Variants in NCAPG2 observed in about 807,000 individuals in gnomAD.
NCAPG2 encodes the protein non-SMC condensin II complex subunit G2, also known as condensin-2 complex subunit G2.
NCAPG2 carries 53 observed loss-of-function variants against 141.1 expected under a neutral mutation model. The ratio of observed to expected loss-of-function variants is 0.38; its 90% CI spans 0.30 to 0.47. NCAPG2 has a LOEUF of 0.47. NCAPG2 is among the 20% of genes least tolerant of loss of function. The pLI, the probability that NCAPG2 is intolerant of heterozygous loss-of-function variation, is 0.99. For synonymous variants in NCAPG2, 499 were observed against 490.7 expected, an observed-to-expected ratio of 1.02 and a Z score of -0.22; for missense variants, 1,087 against 1,389.0, an observed-to-expected ratio of 0.78 and a Z score of 3.46.
At chr7:158,658,935 T>A (rs1043353902) in intron 16 of NCAPG2, among the ~76,000 whole-genome samples, 1 of 151,858 alleles carries the variant, frequency 6.6e-6, no homozygotes, top group Non-Finnish European at 1.5e-5. Context: ...CCCAACGCTT[T>A]GTGAGCCTGA....
intron 1 of NCAPG2, 50 bp from the exon 2 acceptor site, chr7:158,701,988 T>A (rs763730990): frequency 2.5e-5 from 29 of 1,166,776 alleles, no homozygotes; most frequent in Non-Finnish European, 3.3e-5. Flanking sequence ...TATCTTTTCC[T>A]GTAAGATTTA....
chr7:158,674,069 G>C (rs1023538617), intron 12 of NCAPG2, among the ~76,000 whole-genome samples: 4 of 152,198 alleles, frequency 2.6e-5, no homozygotes, highest in African/African-American at 9.6e-5. Context: ...ACTCTTTTGA[G>C]AGTAAGAAGG....
chr7:158,663,038 C>T (rs1317088981), intron 15 of NCAPG2, among the ~76,000 whole-genome samples: 1 of 152,258 alleles, frequency 6.6e-6, no homozygotes, highest in African/African-American at 2.4e-5. Context: ...TCCTCTTCTA[C>T]CCAGAGCCAG....
intron 16 of NCAPG2, among the ~76,000 whole-genome samples, chr7:158,660,645 G>A (rs1832426180): frequency 6.6e-6 from 1 of 152,022 alleles, no homozygotes; most frequent in Non-Finnish European, 1.5e-5. Context: ...CAAACTCCCA[G>A]CCTGAAGCAA....
In NCAPG2 at chr7:158,655,134, T is replaced by C. The variant is rs1435173483; in HGVS notation, c.2630A>G (p.Tyr877Cys). ...ACTTCTAACCTGGATAATTTGCTGA[T>C]AAATGACCCTATGAAGCTTCAGGTA... is the stretch of plus-strand genomic sequence containing the variant. ...EDYLKLHRVI[Y>C]QQIIQTYLTV... Residue 877 changes from tyrosine to cysteine, a missense_variant, in exon 21 of 28, where the codon TAT (tyrosine) becomes TGT (cysteine). Coordinates refer to ENST00000356309, the MANE Select transcript of NCAPG2 (RefSeq NM_017760.7). 1 of 1,611,722 alleles carries C rather than the reference T, an allele frequency of 6.2e-7. No individual in the cohort carries two copies. The highest frequency in any genetic ancestry group is 8.5e-7 in the Non-Finnish European group (1 of 1,179,542).
At position 158,689,828 on chromosome 7, in the gene NCAPG2, C is replaced by T. The variant is rs1835011371; in HGVS notation, c.663G>A (p.Lys221=). The change falls in exon 6 of 28, where the codon AAG becomes AAA. Residue 221 remains lysine, a synonymous_variant. Transcript: ENST00000356309. ...LECFININYI[K]KEEGRRFLSC... ...ACAAATACCTATTTACCTCTTCTTT[C>T]TTGATATAATTAATATTTATGAAGC... The T allele has an allele frequency of 2.5e-6, 4 of 1,577,456 alleles. No individual in the cohort carries two copies. Among genetic ancestry groups the T allele is most frequent in the Non-Finnish European group, 3.5e-6 (4 of 1,157,640 alleles).
chr7:158,656,160 C>T, intron 19 of NCAPG2, 100 bp downstream of exon 19: 1 of 1,408,548 alleles, frequency 7.1e-7, no homozygotes, highest in Non-Finnish European at 9.7e-7. Context: ...CTGTTCCAGC[C>T]AGAACACTTG....
At chr7:158,686,869 A>T (rs939649846) in intron 7 of NCAPG2, among the ~76,000 whole-genome samples, 2 of 152,232 alleles carry the variant, frequency 1.3e-5, no homozygotes, top group Non-Finnish European at 2.9e-5. Context: ...CTAAGTACTC[A>T]GTGCTGGAGC....
At chr7:158,663,003 A>G (rs1832635273) in intron 15 of NCAPG2, among the ~76,000 whole-genome samples, 1 of 152,228 alleles carries the variant, frequency 6.6e-6, no homozygotes, top group Non-Finnish European at 1.5e-5. Flanking sequence ...TGTTCACTGT[A>G]AACTACAAAC....
At chr7:158,680,219 T>C (rs1366793493) in intron 10 of NCAPG2, 134 bp from the exon 11 acceptor site, 1 of 1,048,722 alleles carries the variant, frequency 9.5e-7, no homozygotes, top group Non-Finnish European at 1.4e-6. Context: ...ATTATAACGT[T>C]TAAATTGACC....
chr7:158,697,645 TA>T (rs1218443377), intron 2 of NCAPG2, among the ~76,000 whole-genome samples: 2 of 145,822 alleles, frequency 1.4e-5, no homozygotes, highest in Non-Finnish European at 3.0e-5. Context: ...AGCTATCAAA[TA>T]GGGGTATAAA....
At chr7:158,664,960 G>C in intron 13 of NCAPG2, 1 of 517,436 alleles carries the variant, frequency 1.9e-6, no homozygotes, top group Non-Finnish European at 3.4e-6. Context: ...GTTATATAAG[G>C]CACCCAAGTA....
intron 16 of NCAPG2, among the ~76,000 whole-genome samples, chr7:158,661,576 T>C (rs574727656): frequency 1.3e-5 from 2 of 152,264 alleles, no homozygotes; most frequent in East Asian, 3.9e-4. Context: ...CAATATATTC[T>C]TGAAAATCAC....
chr7:158,639,438 T>G (rs1830493475), intron 27 of NCAPG2, among the ~76,000 whole-genome samples: 1 of 152,198 alleles, frequency 6.6e-6, no homozygotes, highest in African/African-American at 2.4e-5. Flanking sequence ...ATTAATTCAG[T>G]GGTACACATA....
chr7:158,633,219 C>T lies in NCAPG2; in HGVS notation c.3381-1502G>A, dbSNP rs6459885. ...GCCTTTTCCCCCAAGTCTATCCCCACCCTCGTGACCTCTCCTCGTGAGTAT... is the reference window on the plus strand; with the variant it reads ...GCCTTTTCCCCCAAGTCTATCCCCATCCTCGTGACCTCTCCTCGTGAGTAT... On this transcript the variant is annotated intron_variant, in intron 27 of 27. Coordinates refer to ENST00000356309, the MANE Select transcript of NCAPG2 (RefSeq NM_017760.7). This position sits in a 1 kb window ranked among gnomAD's most constrained non-coding sequence, Gnocchi z 4.1. Among the ~76,000 whole-genome samples, 112,551 of 152,084 alleles carry T rather than the reference C, an allele frequency of 0.74. 41,970 individuals are homozygous for T. Among genetic ancestry groups the T allele is most frequent in the East Asian group, 0.97 (4,998 of 5,172 alleles).
intron 6 of NCAPG2, among the ~76,000 whole-genome samples, chr7:158,689,368 T>C (rs1172093038): frequency 6.6e-6 from 1 of 152,156 alleles, no homozygotes; most frequent in Admixed American, 6.5e-5. Flanking sequence ...AGTAGCCTCA[T>C]ATGGGAGTTG....
intron 13 of NCAPG2, chr7:158,667,075 A>G: frequency 1.1e-6 from 1 of 946,992 alleles, no homozygotes; most frequent in Non-Finnish European, 1.3e-6. Context: ...TGCCTCTTAT[A>G]CTCATGTCAT....
intron 13 of NCAPG2, among the ~76,000 whole-genome samples, chr7:158,669,105 C>T (rs1263008176): frequency 6.6e-6 from 1 of 152,180 alleles, no homozygotes; most frequent in African/African-American, 2.4e-5. Context: ...TGATCTCGTT[C>T]CTTTTTATGG....
intron 11 of NCAPG2, among the ~76,000 whole-genome samples, chr7:158,676,999 C>T (rs1019553093): frequency 4.6e-5 from 7 of 152,110 alleles, no homozygotes; most frequent in Non-Finnish European, 7.4e-5. Flanking sequence ...CCTCAGAGAG[C>T]TCACATCAGC....
Sources: gnomAD v4.1 joint callset for allele counts (sites outside exome capture counted in the v4.1 genomes callset) on GRCh38, gnomAD v4.1.1 for gene constraint, Gnocchi (gnomAD v3.1) non-coding constraint, MANE v1.5 for transcripts, NCBI Gene and HGNC (gene_info 2026-07-23, HGNC 2026-07-21) for gene names.